SYT9: variants seen among roughly 807,000 people sequenced by gnomAD.
The protein encoded by SYT9 is synaptotagmin-9.
A neutral mutation model predicts 48.4 loss-of-function variants in SYT9; 22 were observed. The observed-to-expected ratio is 0.45, with a 90% CI of 0.32 to 0.65. The LOEUF (loss-of-function observed/expected upper bound fraction) is 0.65. SYT9 is among the 30% of genes least tolerant of loss of function. The pLI is 0.03. For synonymous variants in SYT9, 265 were observed against 245.0 expected (o/e 1.08, Z -0.76); for missense variants, 577 against 622.0 (o/e 0.93, Z 0.77).
intron 3 of SYT9, among the ~76,000 whole-genome samples, chr11:7,404,713 AC>A (rs1464334796): frequency 6.6e-6 from 1 of 152,162 alleles, no homozygotes; most frequent in African/African-American, 2.4e-5. Context: ...CCCTAAACAA[AC>A]AACAGTGGAC....
intron 2 of SYT9, among the ~76,000 whole-genome samples, chr11:7,308,853 C>T (rs910319529): frequency 3.3e-5 from 5 of 152,110 alleles, no homozygotes; most frequent in African/African-American, 7.2e-5. Context: ...AAGATCTGAT[C>T]GACATAGTTG....
chr11:7,311,281 T>C (rs11041308), intron 2 of SYT9, among the ~76,000 whole-genome samples: 86,541 of 152,056 alleles, frequency 0.57, 25,416 homozygotes, highest in Non-Finnish European at 0.62. Flanking sequence ...CAGCCCCAGT[T>C]GACAACAGTG....
At chr11:7,457,974 A>G (rs180994404) in intron 6 of SYT9, 1 of 152,330 alleles carries the variant, frequency 6.6e-6, no homozygotes, top group Admixed American at 6.5e-5. Context: ...TCAAGTAAGA[A>G]TCAATCAAGC....
rs139540100 is a variant in SYT9 at position 7,391,298 on chromosome 11, G to A, written c.1045-24744G>A. On this transcript the variant is annotated intron_variant, in intron 3 of 6. Coordinates refer to ENST00000318881, the MANE Select transcript of SYT9 (RefSeq NM_175733.4). Reference sequence around the variant, plus strand: ...GCACCCCTCTTTTTGGTAGAATGATGTATTTTCCTTTGGGTATATACCCAT... The same window carrying A: ...GCACCCCTCTTTTTGGTAGAATGATATATTTTCCTTTGGGTATATACCCAT... 4.3e-3 allele frequency among the ~76,000 whole-genome samples: 650 copies of A among 152,164 alleles called. 9 individuals are homozygous for A. The highest frequency in any genetic ancestry group is 0.015 in the African/African-American group (617 of 41,528).
At chr11:7,361,648 A>C (rs192833184) in intron 3 of SYT9, among the ~76,000 whole-genome samples, 2 of 152,188 alleles carry the variant, frequency 1.3e-5, no homozygotes, top group Admixed American at 1.3e-4. Flanking sequence ...TATGATTGTG[A>C]ATTTGTTGAT....
Position 7,416,138 on chromosome 11 carries a change from G to A in SYT9, c.1141G>A (p.Ala381Thr), listed in dbSNP as rs368621518. 1.9e-6 allele frequency: 3 copies of A among 1,614,160 alleles called. No homozygotes were observed. The highest frequency in any genetic ancestry group is 1.1e-5 in the South Asian group (1 of 91,082). Residue 381 changes from alanine to threonine, a missense_variant, in exon 4 of 7, where the codon GCA (alanine) becomes ACA (threonine). Transcript: ENST00000318881. Reference sequence around the variant, plus strand: ...CATTATAAAAGCAAGGAATTTAAAGGCAATGGACATAACAGGAGCATCAGG... The same window carrying A: ...CATTATAAAAGCAAGGAATTTAAAGACAATGGACATAACAGGAGCATCAGG... Reference protein sequence around the residue: ...ITIIKARNLKAMDITGASDPY... With the variant: ...ITIIKARNLKTMDITGASDPY...
chr11:7,303,476 G>C (rs1848975114), intron 2 of SYT9, 86 bp downstream of exon 2: 2 of 1,174,402 alleles, frequency 1.7e-6, no homozygotes, highest in African/African-American at 3.1e-5. Context: ...AGGTCAAGGA[G>C]CCTGTAACCT....
intron 1 of SYT9, among the ~76,000 whole-genome samples, chr11:7,268,016 A>G (rs1218839998): frequency 3.3e-5 from 5 of 152,058 alleles, no homozygotes; most frequent in Admixed American, 6.6e-5. Context: ...GAGTATAAAA[A>G]TATTTAGAAG....
chr11:7,269,321 A>G (rs1848253423), intron 1 of SYT9, among the ~76,000 whole-genome samples: 1 of 152,118 alleles, frequency 6.6e-6, no homozygotes, highest in South Asian at 2.1e-4. Context: ...TGTGGTTTAA[A>G]TTTTACAAAT....
chr11:7,254,646 A>T (rs889313574), intron 1 of SYT9, among the ~76,000 whole-genome samples: 3 of 152,182 alleles, frequency 2.0e-5, no homozygotes, highest in Non-Finnish European at 4.4e-5. Context: ...AGAGAGAGTC[A>T]TCTCGGTAAA....
intron 6 of SYT9, among the ~76,000 whole-genome samples, chr11:7,425,055 C>A (rs1434660635): frequency 1.3e-5 from 2 of 152,186 alleles, no homozygotes; most frequent in East Asian, 3.8e-4. Flanking sequence ...CACAAGCAGC[C>A]CGTGTAAACC....
At chr11:7,297,645 A>G (rs1009999699) in intron 1 of SYT9, among the ~76,000 whole-genome samples, 10 of 152,194 alleles carry the variant, frequency 6.6e-5, no homozygotes, top group Non-Finnish European at 1.3e-4. Context: ...TTCCAACTTC[A>G]GTACAGTTTC....
chr11:7,464,270 T>C (rs1848289886), intron 6 of SYT9, among the ~76,000 whole-genome samples: 1 of 152,166 alleles, frequency 6.6e-6, no homozygotes, highest in Admixed American at 6.5e-5. Flanking sequence ...GCACCTGCTG[T>C]ATGCTACTAG....
chr11:7,314,458 A>T, intron 3 of SYT9: 1 of 226,798 alleles, frequency 4.4e-6, no homozygotes, highest in Non-Finnish European at 9.1e-6. Flanking sequence ...TAAATGTAAA[A>T]CTCACAAAAT....
chr11:7,349,767 A>G (rs1849877623), intron 3 of SYT9, among the ~76,000 whole-genome samples: 1 of 152,248 alleles, frequency 6.6e-6, no homozygotes, highest in Non-Finnish European at 1.5e-5. Flanking sequence ...AGAAGGGTTC[A>G]TTACTCGCCT....
chr11:7,421,055 G>A (rs1390701251), intron 6 of SYT9, among the ~76,000 whole-genome samples: 1 of 152,184 alleles, frequency 6.6e-6, no homozygotes, highest in East Asian at 1.9e-4. Context: ...TTCTGGGCAA[G>A]TGGGTTAGTA....
chr11:7,297,081 T>A lies in SYT9; in HGVS notation c.146-5958T>A, dbSNP rs111692558. Among the ~76,000 whole-genome samples the A allele has an allele frequency of 8.5e-5, 10 of 117,798 alleles. No homozygotes were observed. In the South Asian group the frequency reaches 1.4e-3, roughly 17 times the overall value. The allele number at this position is 117,798 out of a possible 152,430, so 77.3% of individuals were successfully genotyped here. A position where few individuals can be genotyped will look rare whatever the true frequency, so the allele number is the denominator to read the frequency against. On this transcript the variant is annotated intron_variant, in intron 1 of 6. Transcript: ENST00000318881. Reference sequence around the variant, plus strand: ...CACGGTGTGTGTGTGTGTGTGTGTGTGTGTGAGAGAGAGAGAGAGACAGAG... The same window carrying A: ...CACGGTGTGTGTGTGTGTGTGTGTGAGTGTGAGAGAGAGAGAGAGACAGAG...
At chr11:7,432,776 T>A (rs1368683462) in intron 6 of SYT9, among the ~76,000 whole-genome samples, 1 of 151,558 alleles carries the variant, frequency 6.6e-6, no homozygotes, top group Non-Finnish European at 1.5e-5. Context: ...ATGACTTGAT[T>A]TTTTATATTA....
intron 3 of SYT9, among the ~76,000 whole-genome samples, chr11:7,342,184 C>G (rs1276104004): frequency 6.6e-6 from 1 of 152,126 alleles, no homozygotes; most frequent in Non-Finnish European, 1.5e-5. Flanking sequence ...TCTCCCAAAT[C>G]TCATGTCCTC....
Sources: allele counts gnomAD v4.1 joint callset (sites outside exome capture counted in the v4.1 genomes callset), GRCh38; gene constraint gnomAD v4.1.1; transcripts MANE v1.5; gene names NCBI Gene and HGNC (gene_info 2026-07-23, HGNC 2026-07-21).